The following RASGRP3 variants were observed in gnomAD, a reference collection of about 807,000 sequenced individuals.
The protein encoded by RASGRP3 is ras guanyl-releasing protein 3.
In RASGRP3, 54 loss-of-function variants were observed where a neutral mutation model predicts 82.7. The observed-to-expected ratio is 0.65, with a 90% CI of 0.52 to 0.82. The LOEUF is 0.82. RASGRP3 is among the 40% of genes least tolerant of loss of function. The probability of loss-of-function intolerance (pLI) is 0.00; values close to 1 mark genes in which losing one functional copy is unlikely to be tolerated. For synonymous variants in RASGRP3, 309 were observed against 300.5 expected (o/e 1.03, Z -0.29); for missense variants, 861 against 828.9 (o/e 1.04, Z -0.48).
chr2:33,548,216 C>T (rs1195924345), intron 13 of RASGRP3, among the ~76,000 whole-genome samples: 2 of 151,932 alleles, frequency 1.3e-5, no homozygotes, highest in Admixed American at 1.3e-4. Flanking sequence ...AAAAAATTAG[C>T]TGGGCGCAGT....
At chr2:33,456,621 T>G (rs1979241) in intron 2 of RASGRP3, among the ~76,000 whole-genome samples, 124,317 of 152,156 alleles carry the variant, frequency 0.82, 50,993 homozygotes, top group Middle Eastern at 0.86. Flanking sequence ...AGTTTGTTAA[T>G]GTATAATTGA....
intron 1 of RASGRP3, among the ~76,000 whole-genome samples, chr2:33,491,638 T>C (rs1433824056): frequency 6.6e-6 from 1 of 152,270 alleles, no homozygotes; most frequent in Non-Finnish European, 1.5e-5. Flanking sequence ...GGAGACTGCA[T>C]TGCGTTTGCA....
chr2:33,547,342 CTTTTTTTTTTTTTTTTTTT>C (rs59601670), intron 13 of RASGRP3, among the ~76,000 whole-genome samples: 2 of 68,208 alleles, frequency 2.9e-5, no homozygotes, highest in East Asian at 5.0e-4. Context: ...ATATAGAATC[CTTTTTTTTTTTTTTTTTTT>C]TTTTTTTTTT....
intron 1 of RASGRP3, chr2:33,481,111 C>G (rs1306913817): frequency 2.6e-5 from 4 of 152,252 alleles, no homozygotes; most frequent in African/African-American, 9.7e-5. Context: ...TATCTCTTGT[C>G]TACTGACTCC....
intron 8 of RASGRP3, 122 bp downstream of exon 8, chr2:33,524,174 G>T: frequency 2.6e-6 from 3 of 1,158,610 alleles, no homozygotes; most frequent in Non-Finnish European, 3.7e-6. Context: ...ACTACTCGCT[G>T]ATATCTAATG....
intron 2 of RASGRP3, among the ~76,000 whole-genome samples, chr2:33,464,492 A>T (rs892729942): frequency 1.4e-5 from 2 of 143,328 alleles, no homozygotes; most frequent in Non-Finnish European, 3.1e-5. Flanking sequence ...AAAAAAAAAA[A>T]AGATAGGGTC....
intron 4 of RASGRP3, among the ~76,000 whole-genome samples, chr2:33,519,035 T>A (rs1400083154): frequency 1.3e-5 from 2 of 152,234 alleles, no homozygotes; most frequent in African/African-American, 4.8e-5. Context: ...ATAACAGTCA[T>A]TTATTCTCAA....
At chr2:33,543,412 T>G in intron 12 of RASGRP3, 100 bp from the exon 13 acceptor site, 1 of 686,324 alleles carries the variant, frequency 1.5e-6, no homozygotes. Flanking sequence ...TCTAACCTCC[T>G]TGATAGAAAG....
intron 1 of RASGRP3, among the ~76,000 whole-genome samples, chr2:33,498,715 T>A (rs190218906): frequency 3.3e-5 from 5 of 152,326 alleles, no homozygotes; most frequent in Non-Finnish European, 4.4e-5. Flanking sequence ...GCCCAGTGCA[T>A]CCCTGCTTGT....
At chr2:33,543,318 A>T (rs1057063594) in intron 12 of RASGRP3, among the ~76,000 whole-genome samples, 194 bp from the exon 13 acceptor site, 7 of 152,144 alleles carry the variant, frequency 4.6e-5, no homozygotes, top group Non-Finnish European at 1.5e-5. Flanking sequence ...ACCACATCCA[A>T]CCATTACTCT....
chr2:33,502,405 A>C (rs753211550), intron 1 of RASGRP3, among the ~76,000 whole-genome samples: 10 of 151,990 alleles, frequency 6.6e-5, no homozygotes, highest in Non-Finnish European at 1.3e-4. Flanking sequence ...CACTTTAGTA[A>C]ATTACAATTG....
chr2:33,477,766 C>T (rs548092928), intron 1 of RASGRP3, among the ~76,000 whole-genome samples: 126 of 152,300 alleles, frequency 8.3e-4, no homozygotes, highest in African/African-American at 3.0e-3. Context: ...ACGTAAAGCT[C>T]TGAAAGTGAC....
rs199565322 is a variant in RASGRP3 at position 33,548,167 on chromosome 2, T to A, written c.1395-1437T>A. Among the ~76,000 whole-genome samples, 89 of 151,838 alleles carry A rather than the reference T, an allele frequency of 5.9e-4. No individual in the cohort carries two copies. The East Asian group carries it at 9.1e-3, about 16-fold the overall frequency. On this transcript the variant is annotated intron_variant, in intron 13 of 17. Transcript: ENST00000403687. ...ACAAGGTCAGGAGATCGAGACCATCTTGGCTAACACGGTGAAACCCCGTCT... is the reference window on the plus strand; with the variant it reads ...ACAAGGTCAGGAGATCGAGACCATCATGGCTAACACGGTGAAACCCCGTCT...
At chr2:33,560,126 T>G (rs1285567165) in intron 17 of RASGRP3, among the ~76,000 whole-genome samples, 1 of 152,240 alleles carries the variant, frequency 6.6e-6, no homozygotes, top group Non-Finnish European at 1.5e-5. Context: ...ACTTTCAGTA[T>G]GCTTTTAGTA....
intron 17 of RASGRP3, among the ~76,000 whole-genome samples, chr2:33,561,229 G>A (rs866751130): frequency 2.0e-5 from 3 of 152,060 alleles, no homozygotes; most frequent in Non-Finnish European, 2.9e-5. Context: ...ACCATGCCCG[G>A]CTGATTTTTG....
chr2:33,529,318 CG>C (rs1558491147), intron 10 of RASGRP3, among the ~76,000 whole-genome samples: 2 of 150,806 alleles, frequency 1.3e-5, no homozygotes, highest in Non-Finnish European at 3.0e-5. Flanking sequence ...CACGGTGAAA[CG>C]CCATCTCTAC....
intron 12 of RASGRP3, among the ~76,000 whole-genome samples, chr2:33,540,538 T>A (rs1462754508): frequency 1.2e-4 from 9 of 75,230 alleles, no homozygotes; most frequent in African/African-American, 4.0e-4. Context: ...TCTCTCTCTC[T>A]CTCTCTGTGT....
chr2:33,451,088 A>G (rs980404559), intron 2 of RASGRP3, among the ~76,000 whole-genome samples: 4 of 148,242 alleles, frequency 2.7e-5, no homozygotes, highest in Non-Finnish European at 6.0e-5. Context: ...ATGGTCTCCA[A>G]CTCCTGACCT....
intron 2 of RASGRP3, among the ~76,000 whole-genome samples, chr2:33,455,571 G>A (rs1021182100): frequency 8.5e-5 from 13 of 152,208 alleles, no homozygotes; most frequent in Admixed American, 1.3e-4. Flanking sequence ...GTCCCAACAC[G>A]TGTAAAATCG....
Sources: gnomAD v4.1 joint callset for allele counts (sites outside exome capture counted in the v4.1 genomes callset) on GRCh38, gnomAD v4.1.1 for gene constraint, MANE v1.5 for transcripts, NCBI Gene and HGNC (gene_info 2026-07-23, HGNC 2026-07-21) for gene names.